The following NFIA variants were observed in gnomAD, a reference collection of about 807,000 sequenced individuals.
The protein encoded by NFIA is nuclear factor I A.
A neutral mutation model predicts 62.8 loss-of-function variants in NFIA; 8 were observed. The ratio of observed to expected loss-of-function variants is 0.13; its 90% CI spans 0.07 to 0.23. NFIA has a LOEUF of 0.23. NFIA is among the 10% of genes least tolerant of loss of function. The probability of loss-of-function intolerance (pLI) is 1.00; values close to 1 mark genes in which losing one functional copy is unlikely to be tolerated. For missense variants in NFIA, 410 were observed against 642.1 expected (o/e 0.64, Z 3.91); for synonymous variants, 235 against 238.1 (o/e 0.99, Z 0.12).
At chr1:61,132,364 A>G (rs1326047221) in intron 2 of NFIA, among the ~76,000 whole-genome samples, 1 of 152,156 alleles carries the variant, frequency 6.6e-6, no homozygotes, top group East Asian at 1.9e-4. Context: ...TTCCACCATC[A>G]GTTTCAGTAT....
chr1:61,309,931 AT>A (rs1182478407), intron 3 of NFIA, among the ~76,000 whole-genome samples: 1 of 152,138 alleles, frequency 6.6e-6, no homozygotes, highest in African/African-American at 2.4e-5. Context: ...TCTCCCTTTA[AT>A]TTTCTATTTT....
chr1:61,110,091 G>A (rs1288632419), intron 2 of NFIA, among the ~76,000 whole-genome samples: 1 of 133,582 alleles, frequency 7.5e-6, no homozygotes, highest in African/African-American at 2.7e-5. Context: ...ATTACATTCA[G>A]CACAGTATGA....
At chr1:61,394,768 T>A (rs745738967) in intron 7 of NFIA, among the ~76,000 whole-genome samples, 5 of 152,196 alleles carry the variant, frequency 3.3e-5, no homozygotes, top group Non-Finnish European at 7.3e-5. Context: ...CCTCAAATCC[T>A]ATGGGGTGAA....
intron 2 of NFIA, among the ~76,000 whole-genome samples, chr1:61,220,660 G>A (rs1207128949): frequency 6.6e-6 from 1 of 152,100 alleles, no homozygotes; most frequent in African/African-American, 2.4e-5. Flanking sequence ...CATAATAATG[G>A]CATGTATTTA....
chr1:61,077,360 G>A (rs1646044798), upstream of NFIA: 1 of 345,620 alleles, frequency 2.9e-6, no homozygotes, highest in East Asian at 4.3e-5. Context: ...GAGAGAGTGA[G>A]AGCGAGCGAG....
At chr1:61,209,667 T>TACA (rs71756240) in intron 2 of NFIA, among the ~76,000 whole-genome samples, 39,792 of 147,816 alleles carry the variant, frequency 0.27, 5,329 homozygotes, top group Admixed American at 0.32. Context: ...CTATGAAAAA[T>TACA]ACAACAACAA....
rs139038184 is a variant in NFIA, at chr1:61,309,068, A to G, written c.626-23444A>G. ...AGTAGATAGAGACTAGTTGTTCACT[A>G]TGTCTGTGAATACTCTATAGAGTTT... is the stretch of plus-strand genomic sequence containing the variant. On this transcript the variant is annotated intron_variant, in intron 3 of 10. Transcript: ENST00000403491. Among the ~76,000 whole-genome samples, 1,515 of 152,274 alleles carry G rather than the reference A, an allele frequency of 9.9e-3. 7 individuals carry two copies. Among genetic ancestry groups the G allele is most frequent in the Middle Eastern group, 0.044 (13 of 294 alleles).
intron 7 of NFIA, among the ~76,000 whole-genome samples, chr1:61,398,252 A>G (rs895983759): frequency 3.3e-5 from 5 of 152,250 alleles, no homozygotes; most frequent in African/African-American, 4.8e-5. Context: ...ACTATTTAGT[A>G]TCTGGTCTTT....
intron 2 of NFIA, among the ~76,000 whole-genome samples, chr1:61,118,191 C>CAAAAAAAAAAAAA (rs10719154): frequency 1.3e-4 from 17 of 131,238 alleles, no homozygotes; most frequent in East Asian, 2.3e-4. Flanking sequence ...TCTCAAAGAA[C>CAAAAAAAAAAAAA]AAAAAAAAAA....
intron 2 of NFIA, among the ~76,000 whole-genome samples, chr1:61,148,348 T>C (rs1023742226): frequency 3.9e-5 from 6 of 152,200 alleles, no homozygotes; most frequent in African/African-American, 1.4e-4. Context: ...CTTTGGACTT[T>C]TGTACATTTC....
rs1490377028 is a variant in NFIA, at chr1:61,285,767, T to G, written c.625+8182T>G. Among the ~76,000 whole-genome samples, 5 of 152,114 alleles carry G rather than the reference T, an allele frequency of 3.3e-5. No individual in the cohort carries two copies. In the South Asian group the frequency reaches 1.0e-3, roughly 32 times the overall value. ...TTTTAACCCAAAGGGAACCAGGGAG[T>G]CTCATATGGCTTATCCACAGGCATC... On this transcript the variant is annotated intron_variant, in intron 3 of 10. Transcript: ENST00000403491.
At chr1:61,185,009 G>A (rs1244270554) in intron 2 of NFIA, among the ~76,000 whole-genome samples, 1 of 152,176 alleles carries the variant, frequency 6.6e-6, no homozygotes, top group Non-Finnish European at 1.5e-5. Context: ...GTTAATATGA[G>A]AACTAATGTG....
chr1:61,322,436 A>G (rs1041865168), intron 3 of NFIA, among the ~76,000 whole-genome samples: 3 of 152,192 alleles, frequency 2.0e-5, no homozygotes, highest in Admixed American at 6.5e-5. Context: ...TCAGGGTCCC[A>G]GGTTCCTTCT....
intron 3 of NFIA, among the ~76,000 whole-genome samples, chr1:61,309,341 C>T (rs1467064774): frequency 6.6e-6 from 1 of 151,938 alleles, no homozygotes; most frequent in African/African-American, 2.4e-5. Flanking sequence ...ATATGAGCAC[C>T]CCACACACTT....
intron 4 of NFIA, among the ~76,000 whole-genome samples, chr1:61,332,988 A>T (rs1279325190): frequency 6.6e-6 from 1 of 151,768 alleles, no homozygotes; most frequent in Non-Finnish European, 1.5e-5. Context: ...ATCTTGCTCC[A>T]TTGATCAAAG....
intron 2 of NFIA, among the ~76,000 whole-genome samples, chr1:61,110,348 G>C (rs1646674494): frequency 6.6e-6 from 1 of 151,610 alleles, no homozygotes; most frequent in Admixed American, 6.6e-5. Context: ...TTTTTATGCA[G>C]CATATTGTGA....
intron 2 of NFIA, among the ~76,000 whole-genome samples, chr1:61,176,884 C>G (rs1186486331): frequency 1.3e-5 from 2 of 152,052 alleles, no homozygotes; most frequent in Non-Finnish European, 2.9e-5. Flanking sequence ...GCGGGCAGAT[C>G]ACGAGGTCAG....
At chr1:61,079,959 CTT>C (rs577922352), upstream of NFIA, among the ~76,000 whole-genome samples, 25 of 152,262 alleles carry the variant, frequency 1.6e-4, no homozygotes, top group African/African-American at 6.0e-4. Context: ...TTTTCTCAGT[CTT>C]GTTTCCAAAG....
chr1:61,404,051 T>C (rs1313033056), intron 7 of NFIA, 53 bp from the exon 8 acceptor site: 15 of 1,594,394 alleles, frequency 9.4e-6, no homozygotes, highest in African/African-American at 1.3e-5. Context: ...CGGGTTCAGC[T>C]ATGACAAAGC....
Sources: gnomAD v4.1 joint callset for allele counts (sites outside exome capture counted in the v4.1 genomes callset) on GRCh38, gnomAD v4.1.1 for gene constraint, MANE v1.5 for transcripts, NCBI Gene and HGNC (gene_info 2026-07-23, HGNC 2026-07-21) for gene names.